Variants in SUMF1 observed in about 807,000 individuals in gnomAD.
SUMF1 encodes formylglycine-generating enzyme.
SUMF1 carries 48 observed loss-of-function variants against 47.6 expected under a neutral mutation model. That is an observed-to-expected ratio of 1.01 (90% CI 0.80 to 1.28). SUMF1 has a LOEUF of 1.28. Ranked by LOEUF, SUMF1 falls within the 50% of genes most tolerant of loss-of-function variation. The pLI, the probability that SUMF1 is intolerant of heterozygous loss-of-function variation, is 0.00. For synonymous variants in SUMF1, 230 were observed against 192.1 expected (o/e 1.20, Z -1.63); for missense variants, 571 against 485.4 (o/e 1.18, Z -1.66).
intron 8 of SUMF1, among the ~76,000 whole-genome samples, chr3:4,108,400 T>C (rs1166699762): frequency 6.6e-6 from 1 of 152,112 alleles, no homozygotes; most frequent in Non-Finnish European, 1.5e-5. Flanking sequence ...GTATATTCTG[T>C]TGATTTGGGG....
At position 4,418,220 on chromosome 3, in the gene SUMF1, T is replaced by C; in HGVS notation, c.603-88A>G. 4 of 1,577,178 alleles carry C rather than the reference T, an allele frequency of 2.5e-6. No individual in the cohort carries two copies. The South Asian group carries it at 4.5e-5, about 18-fold the overall frequency. On this transcript the variant is annotated intron_variant, in intron 4 of 8. Coordinates refer to ENST00000272902, the MANE Select transcript of SUMF1 (RefSeq NM_182760.4). ...TTCAGCAAAGCGCCCATAATCCCCC[T>C]CAGTTCAATCTGTGACACTGAGGTC... is the stretch of plus-strand genomic sequence containing the variant.
chr3:4,168,980 T>C (rs1256667325), intron 8 of SUMF1, among the ~76,000 whole-genome samples: 1 of 152,222 alleles, frequency 6.6e-6, no homozygotes. Context: ...CCCCTGCTGA[T>C]AGCTTGAGTC....
At chr3:4,079,269 G>C (rs1416894596) in intron 8 of SUMF1, among the ~76,000 whole-genome samples, 1 of 152,034 alleles carries the variant, frequency 6.6e-6, no homozygotes, top group African/African-American at 2.4e-5. Flanking sequence ...CCACACACCA[G>C]AATCTTAGAG....
At chr3:4,250,797 G>C (rs531503053) in intron 8 of SUMF1, among the ~76,000 whole-genome samples, 2 of 152,108 alleles carry the variant, frequency 1.3e-5, no homozygotes, top group African/African-American at 4.8e-5. Flanking sequence ...TGATTTACTG[G>C]ATATTTAAGC....
intron 8 of SUMF1, among the ~76,000 whole-genome samples, chr3:4,343,824 T>TAAATAAATTG (rs1699319807): frequency 6.6e-6 from 1 of 152,214 alleles, no homozygotes; most frequent in African/African-American, 2.4e-5. Context: ...CAGAAATATC[T>TAAATAAATTG]GCACAAATTG....
intron 8 of SUMF1, among the ~76,000 whole-genome samples, chr3:4,085,581 T>TTAAAG (rs1173459581): frequency 2.0e-5 from 3 of 152,128 alleles, no homozygotes; most frequent in Non-Finnish European, 4.4e-5. Flanking sequence ...ATAGTCAGTC[T>TTAAAG]TAAAGTATTG....
intron 8 of SUMF1, among the ~76,000 whole-genome samples, chr3:4,159,029 GCAGTTTTTTTAT>G (rs1421906930): frequency 6.6e-6 from 1 of 151,350 alleles, no homozygotes; most frequent in East Asian, 1.9e-4. Context: ...AAAAGTTGTT[GCAGTTTTTTTAT>G]CAGTTCATCT....
At chr3:4,160,837 T>A (rs1574938244) in intron 8 of SUMF1, among the ~76,000 whole-genome samples, 1 of 152,108 alleles carries the variant, frequency 6.6e-6, no homozygotes, top group Non-Finnish European at 1.5e-5. Context: ...TCTTATTTAG[T>A]TTGTTTGGTG....
At chr3:4,415,197 A>C (rs1701670905) in intron 6 of SUMF1, among the ~76,000 whole-genome samples, 1 of 147,270 alleles carries the variant, frequency 6.8e-6, no homozygotes, top group African/African-American at 2.6e-5. Context: ...ACTGCACTCC[A>C]GCCTCGGCAA....
At chr3:4,240,602 G>A (rs1287996829) in intron 8 of SUMF1, among the ~76,000 whole-genome samples, 2 of 151,954 alleles carry the variant, frequency 1.3e-5, no homozygotes, top group African/African-American at 4.8e-5. Flanking sequence ...CTTAGACAAA[G>A]ATATTCATCC....
At chr3:4,262,949 T>G (rs969673852) in intron 8 of SUMF1, among the ~76,000 whole-genome samples, 4 of 152,160 alleles carry the variant, frequency 2.6e-5, no homozygotes, top group African/African-American at 9.7e-5. Flanking sequence ...TGCCCTAACC[T>G]AGGGCCAGAA....
At chr3:4,164,368 A>G (rs1694651044) in intron 8 of SUMF1, among the ~76,000 whole-genome samples, 1 of 152,176 alleles carries the variant, frequency 6.6e-6, no homozygotes, top group Non-Finnish European at 1.5e-5. Context: ...GGGTGATGAC[A>G]TGAGCTGGCG....
intron 6 of SUMF1, among the ~76,000 whole-genome samples, chr3:4,413,196 G>A (rs1302332547): frequency 6.6e-6 from 1 of 151,902 alleles, no homozygotes; most frequent in East Asian, 1.9e-4. Flanking sequence ...TGTAGACATG[G>A]GGTCTCCTCA....
chr3:4,384,967 C>A (rs1700625864), intron 7 of SUMF1, among the ~76,000 whole-genome samples: 1 of 151,806 alleles, frequency 6.6e-6, no homozygotes. Context: ...GTCATTCCAA[C>A]CTCCACCTCC....
At chr3:4,093,704 A>G (rs1435665839) in intron 8 of SUMF1, among the ~76,000 whole-genome samples, 2 of 152,148 alleles carry the variant, frequency 1.3e-5, no homozygotes, top group Non-Finnish European at 2.9e-5. Context: ...CAATTAGGAA[A>G]AAACAGATTT....
intron 8 of SUMF1, among the ~76,000 whole-genome samples, chr3:4,281,030 G>T (rs1012331754): frequency 6.6e-6 from 1 of 152,058 alleles, no homozygotes; most frequent in African/African-American, 2.4e-5. Flanking sequence ...ATCTTTGAGT[G>T]GGGTAACAGT....
At chr3:4,156,383 G>A (rs1694452698) in intron 8 of SUMF1, among the ~76,000 whole-genome samples, 2 of 151,472 alleles carry the variant, frequency 1.3e-5, no homozygotes, top group Non-Finnish European at 2.9e-5. Context: ...CTAATCTAAC[G>A]TTATCTATAT....
downstream of SUMF1, among the ~76,000 whole-genome samples, chr3:4,359,667 A>C (rs770472041): frequency 1.9e-4 from 29 of 152,128 alleles, no homozygotes; most frequent in Non-Finnish European, 3.1e-4. Flanking sequence ...ATGGGGGAAA[A>C]GCCCCTTGTA....
intron 9 of SUMF1, among the ~76,000 whole-genome samples, chr3:4,037,837 G>A (rs1052733839): frequency 3.9e-5 from 6 of 152,152 alleles, no homozygotes; most frequent in African/African-American, 1.4e-4. Flanking sequence ...CTTCTTTTCT[G>A]GATGTGTTCA....
Sources: allele counts gnomAD v4.1 joint callset (sites outside exome capture counted in the v4.1 genomes callset), GRCh38; gene constraint gnomAD v4.1.1; transcripts MANE v1.5; gene names NCBI Gene and HGNC (gene_info 2026-07-23, HGNC 2026-07-21).